The following DLGAP1 variants were observed in gnomAD, a reference collection of about 807,000 sequenced individuals.
DLGAP1 encodes disks large-associated protein 1.
A neutral mutation model predicts 90.8 loss-of-function variants in DLGAP1; 11 were observed. The ratio of observed to expected loss-of-function variants is 0.12; its 90% CI spans 0.08 to 0.20. The LOEUF (loss-of-function observed/expected upper bound fraction) is 0.20. DLGAP1 is among the 10% of genes least tolerant of loss of function. The pLI, the probability that DLGAP1 is intolerant of heterozygous loss-of-function variation, is 1.00. For synonymous variants in DLGAP1, 558 were observed against 540.7 expected (o/e 1.03, Z -0.44); for missense variants, 1,050 against 1,333.8 (o/e 0.79, Z 3.31).
chr18:4,088,636 G>A (rs998716795), intron 2 of DLGAP1, among the ~76,000 whole-genome samples: 1 of 152,014 alleles, frequency 6.6e-6, no homozygotes, highest in Non-Finnish European at 1.5e-5. Context: ...CTGTGGTTTT[G>A]GGAGGTTTTT....
At chr18:4,410,757 T>G (rs2144607504) in intron 1 of DLGAP1, among the ~76,000 whole-genome samples, 1 of 152,090 alleles carries the variant, frequency 6.6e-6, no homozygotes, top group South Asian at 2.1e-4. Context: ...TCAAAAAAGT[T>G]TAAGATAGTG....
chr18:3,600,833 TATAG>T (rs2056913233), intron 7 of DLGAP1, among the ~76,000 whole-genome samples: 1 of 116,950 alleles, frequency 8.6e-6, no homozygotes, highest in Admixed American at 9.8e-5. Flanking sequence ...TATAGATATA[TATAG>T]ATATATATAG....
intron 6 of DLGAP1, among the ~76,000 whole-genome samples, chr18:3,741,352 C>T (rs1015115387): frequency 4.1e-5 from 6 of 146,610 alleles, no homozygotes; most frequent in Non-Finnish European, 8.9e-5. Flanking sequence ...CCACCACCAC[C>T]ACCACATCAC....
chr18:3,712,279 G>C (rs2147238131), intron 7 of DLGAP1, among the ~76,000 whole-genome samples: 1 of 152,344 alleles, frequency 6.6e-6, no homozygotes, highest in Non-Finnish European at 1.5e-5. Flanking sequence ...GTGTGGTAGT[G>C]AGCAGGGGTG....
chr18:4,156,854 G>A lies in DLGAP1; in HGVS notation c.-266-5567C>T, dbSNP rs533246159. Among the ~76,000 whole-genome samples the A allele has an allele frequency of 7.2e-5, 11 of 152,278 alleles. No homozygotes were observed. In the East Asian group the frequency reaches 2.1e-3, roughly 29 times the overall value. ...AGTCCTATAAGATGAAGAAGATGCAGAAATATGAGAAAGATGATCATGGCC... is the reference window on the plus strand; with the variant it reads ...AGTCCTATAAGATGAAGAAGATGCAAAAATATGAGAAAGATGATCATGGCC... On this transcript the variant is annotated intron_variant, in intron 1 of 12. Transcript: ENST00000315677.
chr18:4,269,388 C>G (rs1390862699), intron 1 of DLGAP1, among the ~76,000 whole-genome samples: 1 of 142,684 alleles, frequency 7.0e-6, no homozygotes, highest in Non-Finnish European at 1.5e-5. Flanking sequence ...GAGTCTTGCT[C>G]TGTCGCCCAG....
chr18:4,357,449 C>T (rs531243490), intron 1 of DLGAP1, among the ~76,000 whole-genome samples: 1 of 152,280 alleles, frequency 6.6e-6, no homozygotes, highest in African/African-American at 2.4e-5. Flanking sequence ...GATTCCTACA[C>T]AAATGTAAAC....
At chr18:4,334,256 C>A (rs989908859) in intron 1 of DLGAP1, among the ~76,000 whole-genome samples, 4 of 150,960 alleles carry the variant, frequency 2.6e-5, no homozygotes, top group Non-Finnish European at 4.4e-5. Context: ...AACAAACAAA[C>A]AAAAAAACAA....
chr18:3,819,246 G>T (rs1179666268), intron 4 of DLGAP1, among the ~76,000 whole-genome samples: 1 of 152,006 alleles, frequency 6.6e-6, no homozygotes, highest in African/African-American at 2.4e-5. Context: ...GGAGGCGGAG[G>T]TTGCAGTGAG....
chr18:3,769,888 TG>T (rs1340962912), intron 5 of DLGAP1: 5 of 152,132 alleles, frequency 3.3e-5, no homozygotes, highest in African/African-American at 1.2e-4. Context: ...GAGATCTCTC[TG>T]TACTATTTTT....
intron 6 of DLGAP1, among the ~76,000 whole-genome samples, chr18:3,738,203 G>C (rs1297476105): frequency 1.3e-5 from 2 of 149,076 alleles, no homozygotes; most frequent in Non-Finnish European, 3.0e-5. Context: ...TACTGCCCAA[G>C]GTAATTTACA....
chr18:4,159,830 A>T (rs1338930366), intron 1 of DLGAP1, among the ~76,000 whole-genome samples: 1 of 152,184 alleles, frequency 6.6e-6, no homozygotes, highest in Admixed American at 6.5e-5. Context: ...CTTAGTCTCC[A>T]TTCTCTTGTT....
chr18:3,600,801 G>GATATATATAGATATATAGAT (rs753258729), intron 7 of DLGAP1, among the ~76,000 whole-genome samples: 1 of 15,426 alleles, frequency 6.5e-5, no homozygotes, highest in Admixed American at 4.7e-4. Flanking sequence ...TAGATATATA[G>GATATATATAGATATATAGAT]ATATATAGAT....
chr18:3,944,817 A>G (rs1194548205), intron 3 of DLGAP1, among the ~76,000 whole-genome samples: 1 of 152,206 alleles, frequency 6.6e-6, no homozygotes, highest in Non-Finnish European at 1.5e-5. Context: ...ATGGAAGGAC[A>G]TACCTAAAAA....
chr18:3,869,199 G>A (rs2070590356), intron 4 of DLGAP1, among the ~76,000 whole-genome samples: 1 of 149,840 alleles, frequency 6.7e-6, no homozygotes, highest in Admixed American at 6.7e-5. Flanking sequence ...GCTTGAAGAA[G>A]CCAGAATTAT....
At chr18:4,050,113 A>G (rs1294961883) in intron 2 of DLGAP1, among the ~76,000 whole-genome samples, 2 of 152,206 alleles carry the variant, frequency 1.3e-5, no homozygotes, top group South Asian at 2.1e-4. Flanking sequence ...ACAAAGTGTG[A>G]TAAGTCGCTG....
At position 3,605,011 on chromosome 18, in the gene DLGAP1, CTT is replaced by C. The variant is rs892228984; in HGVS notation, c.1592-22765_1592-22764del. Among the ~76,000 whole-genome samples the C allele has an allele frequency of 3.2e-3, 483 of 152,296 alleles. 1 individual carries two copies. Among genetic ancestry groups the C allele is most frequent in the African/African-American group, 0.01 (427 of 41,566 alleles). On this transcript the variant is annotated intron_variant, in intron 7 of 12. Transcript: ENST00000315677. Reference sequence around the variant, plus strand: ...TTCTACTTAGTCTCACTGGGTCTGTCTTTTCTGTTTCCAAACTATTGTGTACA... The same window carrying C: ...TTCTACTTAGTCTCACTGGGTCTGTCTTCTGTTTCCAAACTATTGTGTACA...
chr18:4,346,234 A>G (rs2143917372), intron 1 of DLGAP1, among the ~76,000 whole-genome samples: 2 of 152,316 alleles, frequency 1.3e-5, no homozygotes, highest in South Asian at 4.1e-4. Context: ...CAATTAAAAT[A>G]AGTAAAAAAA....
intron 3 of DLGAP1, among the ~76,000 whole-genome samples, chr18:3,988,511 G>T (rs1198400085): frequency 6.6e-6 from 1 of 152,142 alleles, no homozygotes; most frequent in Non-Finnish European, 1.5e-5. Context: ...TCAGGCATTA[G>T]ATTCTCATAA....
Sources: allele counts gnomAD v4.1 joint callset (sites outside exome capture counted in the v4.1 genomes callset), GRCh38; gene constraint gnomAD v4.1.1; transcripts MANE v1.5; gene names NCBI Gene and HGNC (gene_info 2026-07-23, HGNC 2026-07-21).